HLF: variants seen among roughly 807,000 people sequenced by gnomAD.
The protein encoded by HLF is hepatic leukemia factor.
HLF carries 3 observed loss-of-function variants against 22.6 expected under a neutral mutation model. The observed-to-expected ratio is 0.13, with a 90% CI of 0.06 to 0.34. HLF has a LOEUF of 0.34. Ranked by LOEUF, HLF falls within the 10% of genes least tolerant of loss-of-function variation. The pLI is 1.00. For synonymous variants in HLF, 151 were observed against 151.8 expected (o/e 0.99, Z 0.04); for missense variants, 299 against 389.2 (o/e 0.77, Z 1.95).
intron 1 of HLF, 120 bp downstream of exon 1, chr17:55,265,719 C>A: frequency 9.1e-7 from 1 of 1,099,532 alleles, no homozygotes; most frequent in Non-Finnish European, 1.2e-6. Context: ...CGCGGCGCCC[C>A]GGCCCCGCGC....
intron 3 of HLF, among the ~76,000 whole-genome samples, chr17:55,316,906 T>C (rs1905089315): frequency 6.6e-6 from 1 of 152,098 alleles, no homozygotes; most frequent in Non-Finnish European, 1.5e-5. Context: ...ATTAGGTACC[T>C]TATTTCAATG....
intron 2 of HLF, among the ~76,000 whole-genome samples, chr17:55,273,358 T>C (rs534439480): frequency 6.6e-6 from 1 of 152,220 alleles, no homozygotes; most frequent in South Asian, 2.1e-4. Context: ...TCAGCTGTTA[T>C]GGTGTCAGTG....
At chr17:55,280,366 A>T (rs577877613) in intron 2 of HLF, among the ~76,000 whole-genome samples, 1 of 152,294 alleles carries the variant, frequency 6.6e-6, no homozygotes, top group Admixed American at 6.5e-5. Context: ...CTATCACCCT[A>T]GCATGTCACA....
At chr17:55,304,655 A>G (rs1291334870) in intron 2 of HLF, among the ~76,000 whole-genome samples, 2 of 152,224 alleles carry the variant, frequency 1.3e-5, no homozygotes, top group Non-Finnish European at 1.5e-5. Context: ...TTCTGGGCAC[A>G]GGGTCACACT....
intron 2 of HLF, among the ~76,000 whole-genome samples, chr17:55,313,005 CTGGTTTTGTTT>C (rs1904901121): frequency 6.6e-6 from 1 of 152,004 alleles, no homozygotes; most frequent in Non-Finnish European, 1.5e-5. Flanking sequence ...GAAACGGGAC[CTGGTTTTGTTT>C]CGCAGGTCCT....
Position 55,321,480 on chromosome 17 carries a change from T to G in HLF, c.*601T>G. On this transcript the variant is annotated 3_prime_UTR_variant, in exon 4 of 4. Coordinates refer to ENST00000226067, the MANE Select transcript of HLF (RefSeq NM_002126.5). The stretch of plus-strand genomic sequence containing the variant: ...CTTCAAATTAAAGTGCTGTTTAGAT[T>G]TATTAGATCCCATATTTACTTACTG... 1 of 231,108 alleles carries G rather than the reference T, an allele frequency of 4.3e-6. No individual in the cohort carries two copies. The highest frequency in any genetic ancestry group is 8.6e-6 in the Non-Finnish European group (1 of 116,480). The allele number at this position is 231,108 out of a possible 1,614,324, so 14.3% of individuals were successfully genotyped here. A position where few individuals can be genotyped will look rare whatever the true frequency, so the allele number is the denominator to read the frequency against.
chr17:55,300,651 C>G (rs1277975829), intron 2 of HLF, among the ~76,000 whole-genome samples: 1 of 152,224 alleles, frequency 6.6e-6, no homozygotes, highest in African/African-American at 2.4e-5. Flanking sequence ...CTCTCTCCTC[C>G]TCTTTCCCCA....
chr17:55,297,458 C>G (rs1200868041), intron 2 of HLF, among the ~76,000 whole-genome samples: 1 of 152,096 alleles, frequency 6.6e-6, no homozygotes, highest in Non-Finnish European at 1.5e-5. Flanking sequence ...CTTAGGTAGC[C>G]TCAATAGATT....
chr17:55,317,803 C>T (rs2145375188), intron 3 of HLF, among the ~76,000 whole-genome samples: 1 of 152,158 alleles, frequency 6.6e-6, no homozygotes, highest in African/African-American at 2.4e-5. Flanking sequence ...CCTGAACTTC[C>T]TCTCTTGAGC....
chr17:55,318,665 C>T (rs1207820825), intron 3 of HLF, among the ~76,000 whole-genome samples: 5 of 152,164 alleles, frequency 3.3e-5, no homozygotes, highest in South Asian at 2.1e-4. Context: ...CCTGTTCCCC[C>T]GTGTGCAGAC....
Position 55,265,505 on chromosome 17 carries a change from G to A in HLF, c.21G>A (p.Pro7=). The A allele has an allele frequency of 6.2e-7, 1 of 1,606,608 alleles. No homozygotes were observed. The change falls in exon 1 of 4, where the codon CCG becomes CCA. Residue 7 remains proline (P), a synonymous_variant. Transcript: ENST00000226067. The part of the protein sequence containing the change: MEKMSR[P]LPLNPTFIPP... The stretch of plus-strand genomic sequence containing the variant: ...TCGCGATGGAGAAAATGTCCCGACC[G>A]CTCCCCCTGAATCCCACCTTTATCC...
intron 2 of HLF, among the ~76,000 whole-genome samples, chr17:55,301,078 G>C (rs1269788215): frequency 1.3e-5 from 2 of 152,210 alleles, no homozygotes; most frequent in Non-Finnish European, 2.9e-5. Context: ...CCAATTTCAA[G>C]ACTTGGCCAG....
At chr17:55,296,928 T>C (rs2081116465) in intron 2 of HLF, among the ~76,000 whole-genome samples, 1 of 152,152 alleles carries the variant, frequency 6.6e-6, no homozygotes, top group African/African-American at 2.4e-5. Context: ...TTTACAGAGC[T>C]CCACAGGTGA....
At chr17:55,280,581 A>G (rs2080944726) in intron 2 of HLF, among the ~76,000 whole-genome samples, 1 of 152,098 alleles carries the variant, frequency 6.6e-6, no homozygotes, top group African/African-American at 2.4e-5. Flanking sequence ...ATACTGCCAG[A>G]TTTGTGTTTT....
rs1006271022 is a variant in HLF, at chr17:55,320,332, G to A, written c.673-332G>A. On this transcript the variant is annotated intron_variant, in intron 3 of 3. Coordinates refer to ENST00000226067, the MANE Select transcript of HLF (RefSeq NM_002126.5). The surrounding 1 kb of genome is among the most constrained non-coding windows in gnomAD (Gnocchi z 4.2). ...AAAGGGTTCTTAAAATGTTGAGCAG[G>A]GAGAGTAAAGAAAGTTGAAATGTAA... Among the ~76,000 whole-genome samples the A allele has an allele frequency of 4.6e-5, 7 of 152,206 alleles. No homozygotes were observed. Among genetic ancestry groups the A allele is most frequent in the African/African-American group, 1.7e-4 (7 of 41,446 alleles).
chr17:55,295,672 G>A (rs1019937803), intron 2 of HLF, among the ~76,000 whole-genome samples: 1 of 152,248 alleles, frequency 6.6e-6, no homozygotes, highest in African/African-American at 2.4e-5. Context: ...AGGCAAACTC[G>A]TGGTACTTGC....
chr17:55,301,542 G>A (rs575804694), intron 2 of HLF, among the ~76,000 whole-genome samples: 1 of 152,334 alleles, frequency 6.6e-6, no homozygotes, highest in African/African-American at 2.4e-5. Flanking sequence ...TCAGGAGTCG[G>A]AGGGCTTGAA....
At chr17:55,300,154 A>G (rs1187172249) in intron 2 of HLF, among the ~76,000 whole-genome samples, 1 of 152,210 alleles carries the variant, frequency 6.6e-6, no homozygotes, top group Non-Finnish European at 1.5e-5. Context: ...TTTAACAGAT[A>G]TAGTAATGCA....
At chr17:55,290,096 A>G (rs2081046589) in intron 2 of HLF, among the ~76,000 whole-genome samples, 1 of 151,810 alleles carries the variant, frequency 6.6e-6, no homozygotes, top group South Asian at 2.1e-4. Context: ...GTGCTGGAAA[A>G]TGAAAACCAG....
Sources: allele counts gnomAD v4.1 joint callset (sites outside exome capture counted in the v4.1 genomes callset), GRCh38; gene constraint gnomAD v4.1.1; non-coding constraint Gnocchi (gnomAD v3.1); transcripts MANE v1.5; gene names NCBI Gene and HGNC (gene_info 2026-07-23, HGNC 2026-07-21).